Variants in SCTR observed in about 807,000 individuals in gnomAD.
The protein encoded by SCTR is secretin receptor, also known as pancreatic secretin receptor.
In SCTR, 56 loss-of-function variants were observed where a neutral mutation model predicts 60.8. That is an observed-to-expected ratio of 0.92 (90% CI 0.74 to 1.15). The LOEUF (loss-of-function observed/expected upper bound fraction) is 1.15, where lower values mean the gene tolerates loss of function less well. Ranked by LOEUF, SCTR falls within the 50% of genes most tolerant of loss-of-function variation. The probability of loss-of-function intolerance (pLI) is 0.00; values close to 1 mark genes in which losing one functional copy is unlikely to be tolerated. For synonymous variants in SCTR, 202 were observed against 217.0 expected, an observed-to-expected ratio of 0.93 and a Z score of 0.61; for missense variants, 562 against 550.4, an observed-to-expected ratio of 1.02 and a Z score of -0.21.
At chr2:119,503,829 A>T (rs1398607644) in intron 1 of SCTR, among the ~76,000 whole-genome samples, 1 of 152,246 alleles carries the variant, frequency 6.6e-6, no homozygotes, top group Non-Finnish European at 1.5e-5. Context: ...AAGCTCAGCA[A>T]TTGTAATAAA....
intron 7 of SCTR, among the ~76,000 whole-genome samples, chr2:119,461,331 A>G (rs1413838364): frequency 6.6e-6 from 1 of 152,244 alleles, no homozygotes; most frequent in Non-Finnish European, 1.5e-5. Context: ...GATGCCAGAA[A>G]CTGGGGCTAA....
intron 2 of SCTR, 35 bp downstream of exon 2, chr2:119,494,393 C>G (rs752237761): frequency 3.5e-5 from 56 of 1,608,744 alleles, no homozygotes; most frequent in Non-Finnish European, 4.5e-5. Context: ...TGCTCCACCC[C>G]CAAGAGAGGA....
intron 1 of SCTR, among the ~76,000 whole-genome samples, chr2:119,507,308 T>C (rs1379363332): frequency 6.6e-6 from 1 of 152,350 alleles, no homozygotes; most frequent in South Asian, 2.1e-4. Context: ...TTATGTTAAA[T>C]GTACTAATTT....
chr2:119,503,486 T>C (rs1193568904), intron 1 of SCTR, among the ~76,000 whole-genome samples: 1 of 151,888 alleles, frequency 6.6e-6, no homozygotes, highest in Non-Finnish European at 1.5e-5. Flanking sequence ...CAGTGAGCCA[T>C]GATAGCACTA....
At chr2:119,453,925 A>G (rs1430930829) in intron 7 of SCTR, among the ~76,000 whole-genome samples, 5 of 152,376 alleles carry the variant, frequency 3.3e-5, no homozygotes, top group African/African-American at 7.2e-5. Context: ...AGAAAATACA[A>G]TAACATTTCC....
chr2:119,449,107 C>A (rs1683044480), intron 9 of SCTR, among the ~76,000 whole-genome samples: 1 of 152,218 alleles, frequency 6.6e-6, no homozygotes, highest in African/African-American at 2.4e-5. Flanking sequence ...TTGGGGTGGA[C>A]CTGAGATTCT....
intron 1 of SCTR, among the ~76,000 whole-genome samples, chr2:119,507,040 A>G (rs1014486444): frequency 8.5e-5 from 13 of 152,346 alleles, no homozygotes; most frequent in African/African-American, 2.6e-4. Flanking sequence ...ATCTCTCTGT[A>G]TTATTTCTTA....
Position 119,440,112 on chromosome 2 carries a change from G to A in SCTR, c.*5C>T, listed in dbSNP as rs760161182. The A allele has an allele frequency of 1.2e-6, 2 of 1,613,110 alleles. No individual in the cohort carries two copies. Among genetic ancestry groups the A allele is most frequent in the South Asian group, 2.2e-5 (2 of 90,954 alleles). Reference sequence around the variant, plus strand: ...TCTGTCCGTGGGTGACCCTGCTCCAGCCTCTCAGATGATGCTGGTCCTGCA... The same window carrying A: ...TCTGTCCGTGGGTGACCCTGCTCCAACCTCTCAGATGATGCTGGTCCTGCA... On this transcript the variant is annotated 3_prime_UTR_variant, in exon 13 of 13. Coordinates refer to ENST00000019103, the MANE Select transcript of SCTR (RefSeq NM_002980.3).
In SCTR at chr2:119,452,063, C is replaced by T. The variant is rs747440974; in HGVS notation, c.868G>A (p.Ala290Thr). The T allele has an allele frequency of 1.9e-6, 3 of 1,607,130 alleles. No homozygotes were observed. The East Asian group carries it at 6.7e-5, about 36-fold the overall frequency. The change falls in exon 9 of 13, where the codon GCC becomes ACC. Residue 290 changes from alanine to threonine, a missense_variant. By Grantham distance (58) the Ala-to-Thr change is moderately conservative. Transcript: ENST00000019103. ...LEDVGCWDIN[A>T]NASIWWIIRG... ...ATGATCCACCAGATGGATGCGTTGGCATTGATGTCCCAGCACCTAAGGGAG... is the reference window on the plus strand; with the variant it reads ...ATGATCCACCAGATGGATGCGTTGGTATTGATGTCCCAGCACCTAAGGGAG...
At chr2:119,522,194 G>A (rs767817857) in intron 1 of SCTR, among the ~76,000 whole-genome samples, 9 of 152,300 alleles carry the variant, frequency 5.9e-5, no homozygotes, top group Non-Finnish European at 1.3e-4. Context: ...TACTTGGGAG[G>A]CTGAGGCAGG....
chr2:119,444,419 A>G (rs1463154977), intron 11 of SCTR, among the ~76,000 whole-genome samples: 2 of 108,970 alleles, frequency 1.8e-5, no homozygotes, highest in African/African-American at 3.6e-5. Context: ...ATATATACCC[A>G]TATACGTATG....
chr2:119,463,070 C>T (rs73951109), intron 6 of SCTR, among the ~76,000 whole-genome samples: 1,501 of 138,062 alleles, frequency 0.011, 23 homozygotes, highest in African/African-American at 0.05. Flanking sequence ...AATACACACA[C>T]ACACACACAC....
chr2:119,478,754 C>T (rs1677454209), intron 3 of SCTR, 57 bp downstream of exon 3: 2 of 1,559,734 alleles, frequency 1.3e-6, no homozygotes, highest in Non-Finnish European at 1.8e-6. Flanking sequence ...AGCTGAGGCC[C>T]CACCCAGAGG....
intron 2 of SCTR, chr2:119,486,892 G>A (rs1275098577): frequency 1.3e-5 from 2 of 152,248 alleles, no homozygotes; most frequent in East Asian, 1.9e-4. Flanking sequence ...ATGGTCCACG[G>A]TGTGGCTGCC....
At position 119,444,902 on chromosome 2, in the gene SCTR, T is replaced by C. The variant is rs182375797; in HGVS notation, c.1140+1857A>G. ...ATACACATATATTCGTACGAATATA[T>C]ATACATATATTCGTACGAATATACA... On this transcript the variant is annotated intron_variant, in intron 11 of 12. Transcript: ENST00000019103. 3.8e-4 allele frequency among the ~76,000 whole-genome samples: 6 copies of C among 15,586 alleles called. 3 individuals carry two copies. Among genetic ancestry groups the C allele is most frequent in the Non-Finnish European group, 6.4e-4 (6 of 9,442 alleles). 10.2% of individuals were successfully genotyped at this position (15,586 alleles called of 152,430 possible). A position where few individuals can be genotyped will look rare whatever the true frequency, so the allele number is the denominator to read the frequency against.
At chr2:119,459,430 T>A (rs183134358) in intron 7 of SCTR, among the ~76,000 whole-genome samples, 1,575 of 152,140 alleles carry the variant, frequency 0.01, 28 homozygotes, top group African/African-American at 0.037. Flanking sequence ...TTAAAAAAAT[T>A]TTTTTTACAA....
chr2:119,444,479 G>GTA lies in SCTR; in HGVS notation c.1140+2278_1140+2279dup, dbSNP rs1248177117. Among the ~76,000 whole-genome samples the GTA allele has an allele frequency of 4.1e-5, 4 of 97,036 alleles. 2 individuals carry two copies. Among genetic ancestry groups the GTA allele is most frequent in the Admixed American group, 3.9e-4 (4 of 10,232 alleles). 63.7% of individuals were successfully genotyped at this position (97,036 alleles called of 152,430 possible). A position where few individuals can be genotyped will look rare whatever the true frequency, so the allele number is the denominator to read the frequency against. ...TATATATATACACATATATACGTAC[G>GTA]TATATATATACACATATATACGTAC... On this transcript the variant is annotated intron_variant, in intron 11 of 12. Coordinates refer to ENST00000019103, the MANE Select transcript of SCTR (RefSeq NM_002980.3).
intron 5 of SCTR, 99 bp downstream of exon 5, chr2:119,465,690 A>T (rs937753459): frequency 7.4e-6 from 6 of 812,340 alleles, no homozygotes; most frequent in Non-Finnish European, 1.3e-5. Flanking sequence ...AAGGTAGTTC[A>T]CTCAGACCTT....
In SCTR at chr2:119,446,756, T is replaced by TA. The variant is rs763033774; in HGVS notation, c.1140+2dup. 30 of 1,520,528 alleles carry TA rather than the reference T, an allele frequency of 2.0e-5. No homozygotes were observed. Among genetic ancestry groups the TA allele is most frequent in the Non-Finnish European group, 2.7e-5 (30 of 1,129,728 alleles). The allele number at this position is 1,520,528 out of a possible 1,614,324, so 94.2% of individuals were successfully genotyped here. ...GCTGGCAGCCCCAGTCCTGGAAACT[T>TA]ACCTGGAATGAGCCAAGGGCTAGTT... On this transcript the variant is annotated splice_region_variant and intron_variant, in intron 11 of 12. Transcript: ENST00000019103.
Sources: gnomAD v4.1 joint callset for allele counts (sites outside exome capture counted in the v4.1 genomes callset) on GRCh38, gnomAD v4.1.1 for gene constraint, MANE v1.5 for transcripts, NCBI Gene and HGNC (gene_info 2026-07-23, HGNC 2026-07-21) for gene names.